The following ZNF567 variants were observed in gnomAD, a reference collection of about 807,000 sequenced individuals.
ZNF567 encodes zinc finger protein 567.
Under a neutral mutation model 53.9 loss-of-function variants are expected in ZNF567, and 36 were observed. The observed-to-expected ratio is 0.67, with a 90% CI of 0.51 to 0.88. The LOEUF is 0.88. ZNF567 is among the 40% of genes least tolerant of loss of function. ZNF567 has a pLI of 0.00. For synonymous variants in ZNF567, 224 were observed against 260.4 expected (o/e 0.86, Z 1.35); for missense variants, 619 against 764.7 (o/e 0.81, Z 2.25).
chr19:36,726,904 G>T (rs1568725557), downstream of ZNF567, among the ~76,000 whole-genome samples: 2 of 151,932 alleles, frequency 1.3e-5, no homozygotes, highest in Admixed American at 1.3e-4. Flanking sequence ...TAGAAGTCTA[G>T]GTTCCCTACT....
chr19:36,667,449 C>T, the ZNF567 span, among the ~76,000 whole-genome samples: 1 of 151,942 alleles, frequency 6.6e-6, no homozygotes, highest in African/African-American at 2.4e-5. Flanking sequence ...TTGCGGTGAG[C>T]CGAGGTCGCG....
Position 36,706,740 on chromosome 19 carries a change from C to G in ZNF567, c.10-5646C>G, listed in dbSNP as rs1376690827. On this transcript the variant is annotated intron_variant, in intron 3 of 5. Coordinates refer to ENST00000682579, the MANE Select transcript of ZNF567 (RefSeq NM_001322917.1). ...CCAGACTGGAGGGCAGTGGTGCAAT[C>G]AACCTCCCAGGATCCAGCAATCCTC... is the stretch of plus-strand genomic sequence containing the variant. Among the ~76,000 whole-genome samples the G allele has an allele frequency of 5.9e-5, 8 of 136,206 alleles. No individual in the cohort carries two copies. The Admixed American group carries it at 6.7e-4, about 11-fold the overall frequency. The allele number at this position is 136,206 out of a possible 152,430, so 89.4% of individuals were successfully genotyped here.
chr19:36,706,598 C>T (rs2039499832), intron 3 of ZNF567, among the ~76,000 whole-genome samples: 2 of 151,588 alleles, frequency 1.3e-5, no homozygotes, highest in Non-Finnish European at 2.9e-5. Flanking sequence ...CTGGCCTACA[C>T]CTGAATTTTA....
At chr19:36,697,975 C>T (rs570216175) in intron 3 of ZNF567, among the ~76,000 whole-genome samples, 72 of 147,810 alleles carry the variant, frequency 4.9e-4, no homozygotes, top group Non-Finnish European at 8.9e-4. Flanking sequence ...GCACAATGTG[C>T]AGGTTAGTTA....
At chr19:36,712,313 G>T in intron 3 of ZNF567, 73 bp from the exon 4 acceptor site, 2 of 1,494,128 alleles carry the variant, frequency 1.3e-6, no homozygotes, top group Non-Finnish European at 9.1e-7. Flanking sequence ...CTCCCAAAGT[G>T]CTGGGATTAC....
At chr19:36,681,462 C>T in the ZNF567 span, among the ~76,000 whole-genome samples, 1 of 151,498 alleles carries the variant, frequency 6.6e-6, no homozygotes, top group East Asian at 2.0e-4. Context: ...CAAGGTCTCA[C>T]GCTGATGCCC....
chr19:36,668,581 C>T, the ZNF567 span: 1 of 152,170 alleles, frequency 6.6e-6, no homozygotes, highest in Admixed American at 6.6e-5. Context: ...ACCAGGGCGT[C>T]CTGAACCTTA....
intron 1 of ZNF567, among the ~76,000 whole-genome samples, chr19:36,688,144 G>A (rs1342062736): frequency 1.3e-5 from 2 of 152,220 alleles, no homozygotes; most frequent in African/African-American, 2.4e-5. Context: ...CTGGAGAGGC[G>A]ACAGTGAGGG....
At chr19:36,675,869 A>T in the ZNF567 span, among the ~76,000 whole-genome samples, 2 of 152,100 alleles carry the variant, frequency 1.3e-5, no homozygotes, top group South Asian at 4.2e-4. Context: ...AAAAACACCC[A>T]GTATACCTCT....
chr19:36,678,776 G>A, the ZNF567 span, among the ~76,000 whole-genome samples: 434 of 151,704 alleles, frequency 2.9e-3, 1 homozygote, highest in Non-Finnish European at 4.8e-3. Flanking sequence ...CCTGGGAGGC[G>A]GAGCTTGCAG....
Position 36,719,008 on chromosome 19 carries a change from C to A in ZNF567, c.284C>A (p.Ser95Tyr). ...VKFKEHQEKY[S>Y]RSVVSINHKK... is the part of the protein sequence containing the mutation. ...TTCAAGGAACACCAAGAGAAGTATT[C>A]TAGATCAGTTGTAAGCATCAACCAC... Residue 95 changes from serine to tyrosine, a missense_variant, in exon 6 of 6, where the codon TCT (serine) becomes TAT (tyrosine). By Grantham distance (144) the Ser-to-Tyr change is moderately radical (BLOSUM62 -2). Coordinates refer to ENST00000682579, the MANE Select transcript of ZNF567 (RefSeq NM_001322917.1). 6.3e-7 allele frequency: 1 copy of A among 1,599,084 alleles called. No homozygotes were observed. Among genetic ancestry groups the A allele is most frequent in the Non-Finnish European group, 8.5e-7 (1 of 1,176,054 alleles).
chr19:36,669,127 A>G, the ZNF567 span: 1 of 152,192 alleles, frequency 6.6e-6, no homozygotes, highest in Non-Finnish European at 1.5e-5. Flanking sequence ...CATAGATTAT[A>G]TGCAAATACC....
At chr19:36,712,352 C>T (rs762186805) in intron 3 of ZNF567, 34 bp from the exon 4 acceptor site, 1 of 1,601,536 alleles carries the variant, frequency 6.2e-7, no homozygotes, top group South Asian at 1.1e-5. Context: ...CTGGCTAAGT[C>T]CACCTGTTCT....
At chr19:36,701,113 G>A (rs8110468) in intron 3 of ZNF567, among the ~76,000 whole-genome samples, 8,473 of 152,070 alleles carry the variant, frequency 0.056, 248 homozygotes, top group African/African-American at 0.066. Context: ...AGAGATTCTG[G>A]TATGTTGTGC....
At chr19:36,675,605 G>A in the ZNF567 span, among the ~76,000 whole-genome samples, 48 of 152,116 alleles carry the variant, frequency 3.2e-4, no homozygotes, top group Middle Eastern at 3.4e-3. Context: ...CCCGGGAGGC[G>A]GAGGTTGCAG....
rs1265984062 is a variant in ZNF567 at position 36,719,656 on chromosome 19, G to T, written c.932G>T (p.Cys311Phe). 5 of 1,613,890 alleles carry T rather than the reference G, an allele frequency of 3.1e-6. No homozygotes were observed. Among genetic ancestry groups the T allele is most frequent in the Non-Finnish European group, 4.2e-6 (5 of 1,179,926 alleles). ...CACACAGGAGAGAAACCCTTTGTTT[G>T]CAATGAATGTGGTAAGTCCTTCCGC... Reference protein sequence around the residue: ...RTHTGEKPFVCNECGKSFRLK... With the variant: ...RTHTGEKPFVFNECGKSFRLK... Residue 311 changes from cysteine to phenylalanine, a missense_variant, in exon 6 of 6, where the codon TGC becomes TTC. Transcript: ENST00000682579.
the ZNF567 span, among the ~76,000 whole-genome samples, chr19:36,667,699 G>A: frequency 6.7e-6 from 1 of 148,836 alleles, no homozygotes; most frequent in Non-Finnish European, 1.5e-5. Flanking sequence ...GCCCAGGCTG[G>A]AGTGCAGTGG....
chr19:36,719,891 T>A lies in ZNF567; in HGVS notation c.1167T>A (p.Gly389=), dbSNP rs767752431. The change falls in exon 6 of 6, where the codon GGT becomes GGA. Residue 389 remains glycine (G), a synonymous_variant. Coordinates refer to ENST00000682579, the MANE Select transcript of ZNF567 (RefSeq NM_001322917.1). ...CTCTACATCAGAGAATCCATACAGGTGAGAAACCCTACATTTGTAAAGAAT... is the reference window on the plus strand; with the variant it reads ...CTCTACATCAGAGAATCCATACAGGAGAGAAACCCTACATTTGTAAAGAAT... ...TLSLHQRIHT[G]EKPYICKECG... 1 of 1,603,512 alleles carries A rather than the reference T, an allele frequency of 6.2e-7. No homozygotes were observed. Among genetic ancestry groups the A allele is most frequent in the South Asian group, 1.1e-5 (1 of 90,474 alleles).
intron 4 of ZNF567, 76 bp downstream of exon 4, chr19:36,712,588 T>C: frequency 6.3e-7 from 1 of 1,586,622 alleles, no homozygotes; most frequent in Non-Finnish European, 8.6e-7. Flanking sequence ...AATCTTGAAT[T>C]TCAGGAATAA....
Sources: gnomAD v4.1 joint callset for allele counts (sites outside exome capture counted in the v4.1 genomes callset) on GRCh38, gnomAD v4.1.1 for gene constraint, MANE v1.5 for transcripts, NCBI Gene and HGNC (gene_info 2026-07-23, HGNC 2026-07-21) for gene names.